GLI3: variants seen among roughly 807,000 people sequenced by gnomAD.
The protein encoded by GLI3 is GLI family zinc finger 3.
A neutral mutation model predicts 100.8 loss-of-function variants in GLI3; 20 were observed. That is an observed-to-expected ratio of 0.20 (90% CI 0.14 to 0.29). GLI3 has a LOEUF of 0.29. Among genes scored for constraint, GLI3 ranks in the 10% least tolerant of loss-of-function variants. GLI3 has a pLI of 1.00. For missense variants in GLI3, 2,040 were observed against 2,128.5 expected (o/e 0.96, Z 0.82); for synonymous variants, 938 against 860.5 (o/e 1.09, Z -1.58).
rs544904705 is a variant in GLI3 at position 42,154,452 on chromosome 7, C to T, written c.125-5984G>A. Reference sequence around the variant, plus strand: ...CACAGAGCATAATCGTCTCTCCTTTCCTCCCAGGAAATTGCTTCGCTGTGT... The same window carrying T: ...CACAGAGCATAATCGTCTCTCCTTTTCTCCCAGGAAATTGCTTCGCTGTGT... On this transcript the variant is annotated intron_variant, in intron 2 of 14. Transcript: ENST00000395925. Among the ~76,000 whole-genome samples, 17 of 152,350 alleles carry T rather than the reference C, an allele frequency of 1.1e-4. No individual in the cohort carries two copies. In the South Asian group the frequency reaches 3.5e-3, roughly 32 times the overall value.
At chr7:42,124,114 T>C (rs1000663798) in intron 3 of GLI3, among the ~76,000 whole-genome samples, 1 of 151,996 alleles carries the variant, frequency 6.6e-6, no homozygotes, top group Non-Finnish European at 1.5e-5. Flanking sequence ...TGGAGAGGAG[T>C]TACCCTTAAA....
At chr7:42,129,220 G>A (rs1057232293) in intron 3 of GLI3, among the ~76,000 whole-genome samples, 3 of 152,042 alleles carry the variant, frequency 2.0e-5, no homozygotes, top group South Asian at 2.1e-4. Context: ...AGCTACTCCC[G>A]GCCCCACTGT....
intron 14 of GLI3, 53 bp downstream of exon 14, chr7:41,967,543 A>ACAT (rs1397489491): frequency 8.4e-6 from 11 of 1,302,480 alleles, no homozygotes; most frequent in Non-Finnish European, 1.1e-5. Flanking sequence ...CCTGCATTTA[A>ACAT]AAGAACAGAA....
At chr7:42,065,040 TC>T (rs1246944767) in intron 4 of GLI3, among the ~76,000 whole-genome samples, 2 of 152,094 alleles carry the variant, frequency 1.3e-5, no homozygotes, top group Non-Finnish European at 2.9e-5. Context: ...GCTTGGTACT[TC>T]CCCAGTTCTT....
At chr7:42,041,653 A>G (rs1174456327) in intron 6 of GLI3, among the ~76,000 whole-genome samples, 1 of 152,216 alleles carries the variant, frequency 6.6e-6, no homozygotes, top group Non-Finnish European at 1.5e-5. Flanking sequence ...ATTTAAAAAA[A>G]AATGTCCAGG....
intron 10 of GLI3, among the ~76,000 whole-genome samples, chr7:41,986,105 G>A (rs17707253): frequency 0.32 from 48,157 of 151,740 alleles, 8,922 homozygotes; most frequent in East Asian, 0.81. Context: ...CAAGACTTTG[G>A]GTACAAACCA....
At chr7:42,118,012 G>T (rs1785903506) in intron 3 of GLI3, among the ~76,000 whole-genome samples, 1 of 152,086 alleles carries the variant, frequency 6.6e-6, no homozygotes, top group Non-Finnish European at 1.5e-5. Context: ...ATACTTGATG[G>T]GCCAAAGCTG....
chr7:41,979,583 TGA>T (rs1787601874), intron 10 of GLI3, among the ~76,000 whole-genome samples: 1 of 152,188 alleles, frequency 6.6e-6, no homozygotes, highest in Non-Finnish European at 1.5e-5. Context: ...TACTGCAGCA[TGA>T]GAGGAAGAGA....
At chr7:42,223,554 T>C (rs982832031) in intron 1 of GLI3, among the ~76,000 whole-genome samples, 1 of 152,122 alleles carries the variant, frequency 6.6e-6, no homozygotes, top group Non-Finnish European at 1.5e-5. Context: ...CTACTGAGCG[T>C]TTGGTATCAA....
intron 3 of GLI3, among the ~76,000 whole-genome samples, chr7:42,129,015 G>A (rs74617898): frequency 1.3e-5 from 2 of 152,176 alleles, no homozygotes; most frequent in African/African-American, 4.8e-5. Context: ...AAGATAGCAG[G>A]CTGGGCAAAC....
At chr7:42,117,773 A>G (rs1404918793) in intron 3 of GLI3, among the ~76,000 whole-genome samples, 8 of 152,206 alleles carry the variant, frequency 5.3e-5, no homozygotes, top group African/African-American at 1.9e-4. Flanking sequence ...AGTAGAGTTT[A>G]GATTAAAGTG....
chr7:42,201,884 C>T (rs1293388901), intron 2 of GLI3, among the ~76,000 whole-genome samples: 1 of 152,088 alleles, frequency 6.6e-6, no homozygotes, highest in East Asian at 1.9e-4. Context: ...GAGATCAAGA[C>T]CATCTTGGCC....
chr7:42,026,818 A>G (rs957099327), intron 7 of GLI3, among the ~76,000 whole-genome samples: 1 of 152,200 alleles, frequency 6.6e-6, no homozygotes, highest in African/African-American at 2.4e-5. Flanking sequence ...GCACGCTTTC[A>G]TATGTCTCCA....
At chr7:42,194,300 A>G (rs1447158041) in intron 2 of GLI3, among the ~76,000 whole-genome samples, 1 of 152,252 alleles carries the variant, frequency 6.6e-6, no homozygotes, top group African/African-American at 2.4e-5. Flanking sequence ...TTAAGAAAGG[A>G]CAGGGCCAAA....
chr7:42,027,828 G>T (rs1789164336), intron 7 of GLI3, among the ~76,000 whole-genome samples: 1 of 152,174 alleles, frequency 6.6e-6, no homozygotes, highest in Non-Finnish European at 1.5e-5. Flanking sequence ...GGTGAAAACA[G>T]TCATTGTTCA....
chr7:41,992,923 T>C (rs1209636661), intron 10 of GLI3, among the ~76,000 whole-genome samples: 1 of 152,208 alleles, frequency 6.6e-6, no homozygotes, highest in African/African-American at 2.4e-5. Flanking sequence ...ATTACTGTGC[T>C]GGAAGGGGCT....
intron 10 of GLI3, among the ~76,000 whole-genome samples, chr7:42,022,409 G>A (rs2128730240): frequency 6.6e-6 from 1 of 151,974 alleles, no homozygotes; most frequent in Middle Eastern, 3.4e-3. Flanking sequence ...AATGGAGGAG[G>A]GTTATCAAGA....
chr7:42,246,101 G>C (rs1035922697), intron 1 of GLI3, among the ~76,000 whole-genome samples: 2 of 152,142 alleles, frequency 1.3e-5, no homozygotes, highest in African/African-American at 2.4e-5. Flanking sequence ...ACTGTGCTAG[G>C]CACCCTCTTC....
chr7:42,004,714 C>T (rs1029911379), intron 10 of GLI3, among the ~76,000 whole-genome samples: 1 of 152,286 alleles, frequency 6.6e-6, no homozygotes, highest in East Asian at 1.9e-4. Flanking sequence ...TGGGCTCAAG[C>T]GATGCACCCA....
Sources: gnomAD v4.1 joint callset for allele counts (sites outside exome capture counted in the v4.1 genomes callset) on GRCh38, gnomAD v4.1.1 for gene constraint, MANE v1.5 for transcripts, NCBI Gene and HGNC (gene_info 2026-07-23, HGNC 2026-07-21) for gene names.